The following LINGO2 variants were observed in gnomAD, a reference collection of about 807,000 sequenced individuals.
LINGO2 encodes leucine-rich repeat and immunoglobulin-like domain-containing nogo receptor-interacting protein 2.
LINGO2 carries 14 observed loss-of-function variants against 30.6 expected under a neutral mutation model. The ratio of observed to expected loss-of-function variants is 0.46; its 90% CI spans 0.30 to 0.72. LINGO2 has a LOEUF of 0.72. Among genes scored for constraint, LINGO2 ranks in the 30% least tolerant of loss-of-function variants. The probability of loss-of-function intolerance (pLI) is 0.07; values close to 1 mark genes in which losing one functional copy is unlikely to be tolerated. For missense variants in LINGO2, 729 were observed against 751.7 expected (o/e 0.97, Z 0.35); for synonymous variants, 317 against 288.5 (o/e 1.10, Z -1.00).
At chr9:28,684,207 A>G in the LINGO2 span, among the ~76,000 whole-genome samples, 2 of 16,200 alleles carry the variant, frequency 1.2e-4, no homozygotes, top group Non-Finnish European at 1.8e-4. Context: ...TTTTTTTTTG[A>G]GATGGAGTCT....
At chr9:28,805,947 CAAAT>C in the LINGO2 span, among the ~76,000 whole-genome samples, 1 of 151,998 alleles carries the variant, frequency 6.6e-6, no homozygotes. Context: ...CAGATAAAAA[CAAAT>C]AAAAGTATAA....
intron 1 of LINGO2, among the ~76,000 whole-genome samples, chr9:28,638,562 C>T (rs567337164): frequency 2.8e-4 from 43 of 152,166 alleles, no homozygotes; most frequent in Non-Finnish European, 5.1e-4. Context: ...GGGTATGTGT[C>T]GAGGAATTTA....
the LINGO2 span, among the ~76,000 whole-genome samples, chr9:28,996,469 C>A: frequency 6.6e-6 from 1 of 152,078 alleles, no homozygotes; most frequent in Non-Finnish European, 1.5e-5. Context: ...AAGACAAGAG[C>A]TAGGTAAACC....
intron 4 of LINGO2, among the ~76,000 whole-genome samples, chr9:28,122,741 C>G (rs1334924753): frequency 6.6e-6 from 1 of 152,126 alleles, no homozygotes; most frequent in African/African-American, 2.4e-5. Context: ...ATCACAGCAT[C>G]AAAAGAACCA....
At chr9:28,674,736 A>G (rs1042732161), upstream of LINGO2, among the ~76,000 whole-genome samples, 2 of 152,176 alleles carry the variant, frequency 1.3e-5, no homozygotes, top group Admixed American at 6.5e-5. Context: ...TAGAGCATTA[A>G]CACACGGGAC....
At chr9:29,203,141 T>TA in the LINGO2 span, among the ~76,000 whole-genome samples, 1 of 152,106 alleles carries the variant, frequency 6.6e-6, no homozygotes, top group Admixed American at 6.5e-5. Context: ...CAGGAACTCA[T>TA]GAATATGTTC....
the LINGO2 span, among the ~76,000 whole-genome samples, chr9:29,213,537 C>A: frequency 1.3e-5 from 2 of 152,052 alleles, no homozygotes; most frequent in Non-Finnish European, 2.9e-5. Context: ...GGCTGCAAGG[C>A]GGGACGCAGG....
At chr9:28,909,543 T>C in the LINGO2 span, among the ~76,000 whole-genome samples, 17,136 of 152,052 alleles carry the variant, frequency 0.11, 962 homozygotes, top group South Asian at 0.16. Context: ...TAAACTTTCA[T>C]GTTCCACTGA....
the LINGO2 span, among the ~76,000 whole-genome samples, chr9:29,191,074 C>T: frequency 6.6e-6 from 1 of 152,130 alleles, no homozygotes; most frequent in Non-Finnish European, 1.5e-5. Context: ...CACTAGACCA[C>T]GGTGTGAGAG....
At chr9:28,260,936 A>G (rs2134045181) in intron 4 of LINGO2, among the ~76,000 whole-genome samples, 1 of 152,054 alleles carries the variant, frequency 6.6e-6, no homozygotes. Context: ...CATCATCAAC[A>G]ATCTTTGTGT....
At chr9:28,884,769 T>C in the LINGO2 span, among the ~76,000 whole-genome samples, 51 of 36,080 alleles carry the variant, frequency 1.4e-3, no homozygotes, top group Middle Eastern at 0.017. Flanking sequence ...ATATAGTGTG[T>C]GTATATATAT....
At chr9:28,993,773 T>C in the LINGO2 span, among the ~76,000 whole-genome samples, 2 of 137,188 alleles carry the variant, frequency 1.5e-5, no homozygotes, top group African/African-American at 5.0e-5. Flanking sequence ...AACCACATGA[T>C]TTATCTCAAT....
the LINGO2 span, among the ~76,000 whole-genome samples, chr9:28,786,724 T>C: frequency 5.3e-5 from 8 of 152,062 alleles, no homozygotes; most frequent in Non-Finnish European, 1.2e-4. Context: ...AGTCAAATCA[T>C]GAAGTTTGAG....
chr9:28,758,116 C>G, the LINGO2 span, among the ~76,000 whole-genome samples: 13 of 152,084 alleles, frequency 8.5e-5, no homozygotes, highest in East Asian at 2.5e-3. Context: ...GTTGTATAGT[C>G]CAAATTTCCA....
intron 5 of LINGO2, among the ~76,000 whole-genome samples, chr9:27,957,836 C>T (rs1285757217): frequency 1.3e-5 from 2 of 152,162 alleles, no homozygotes; most frequent in Non-Finnish European, 2.9e-5. Flanking sequence ...TTCCAATTCA[C>T]GAATGTTGTA....
At chr9:28,745,995 A>C in the LINGO2 span, among the ~76,000 whole-genome samples, 1 of 152,072 alleles carries the variant, frequency 6.6e-6, no homozygotes, top group Non-Finnish European at 1.5e-5. Flanking sequence ...ATAAGATAAA[A>C]ATACACAAAC....
chr9:28,744,141 C>T, the LINGO2 span, among the ~76,000 whole-genome samples: 3 of 150,768 alleles, frequency 2.0e-5, no homozygotes, highest in South Asian at 6.2e-4. Context: ...TACTATATAA[C>T]TCCTAAATTT....
At chr9:28,246,445 A>C (rs1822002626) in intron 4 of LINGO2, among the ~76,000 whole-genome samples, 1 of 151,820 alleles carries the variant, frequency 6.6e-6, no homozygotes. Context: ...AAAAAAGAAG[A>C]CCACACATCT....
intron 5 of LINGO2, among the ~76,000 whole-genome samples, chr9:27,959,289 TTGAC>T (rs1819723453): frequency 6.6e-6 from 1 of 152,120 alleles, no homozygotes; most frequent in African/African-American, 2.4e-5. Flanking sequence ...TCCTTATTAT[TTGAC>T]TATTTATTTT....
Sources: allele counts gnomAD v4.1 joint callset (sites outside exome capture counted in the v4.1 genomes callset), GRCh38; gene constraint gnomAD v4.1.1; transcripts MANE v1.5; gene names NCBI Gene and HGNC (gene_info 2026-07-23, HGNC 2026-07-21).